SRGAP2: variants seen among roughly 807,000 people sequenced by gnomAD.
The protein encoded by SRGAP2 is SLIT-ROBO Rho GTPase activating protein 2, also known as SLIT-ROBO Rho GTPase-activating protein 2.
Under a neutral mutation model 57.2 loss-of-function variants are expected in SRGAP2, and 15 were observed. The ratio of observed to expected loss-of-function variants is 0.26; its 90% CI spans 0.18 to 0.40. The LOEUF (loss-of-function observed/expected upper bound fraction) is 0.40. Ranked by LOEUF, SRGAP2 falls within the 10% of genes least tolerant of loss-of-function variation. The probability of loss-of-function intolerance (pLI) is 1.00; values close to 1 mark genes in which losing one functional copy is unlikely to be tolerated. For synonymous variants in SRGAP2, 249 were observed against 248.0 expected (o/e 1.00, Z -0.04); for missense variants, 520 against 669.6 (o/e 0.78, Z 2.47).
At chr1:206,396,076 AG>A (rs1246885320) in intron 7 of SRGAP2, among the ~76,000 whole-genome samples, 4 of 144,348 alleles carry the variant, frequency 2.8e-5, no homozygotes, top group African/African-American at 1.0e-4. Context: ...TCCGCCTCCC[AG>A]GTTCACGCCA....
Position 206,461,025 on chromosome 1 carries a change from C to T in SRGAP2, c.2833-12C>T. 1 of 678,238 alleles carries T rather than the reference C, an allele frequency of 1.5e-6. No individual in the cohort carries two copies. The highest frequency in any genetic ancestry group is 1.7e-5 in the South Asian group (1 of 59,346). The allele number at this position is 678,238 out of a possible 1,614,324, so 42.0% of individuals were successfully genotyped here. ...TCATTTGCCTCACCTCCTCCTTTTT[C>T]CTGTTTTGCAGGATATTGAGGCAAC... On this transcript the variant is annotated splice_polypyrimidine_tract_variant and intron_variant, in intron 22 of 22. Coordinates refer to ENST00000573034, the MANE Select transcript of SRGAP2 (RefSeq NM_015326.5).
chr1:206,205,101 C>T (rs1291447858), intron 1 of SRGAP2: 1 of 151,938 alleles, frequency 6.6e-6, no homozygotes, highest in African/African-American at 2.4e-5. Context: ...GTCGGGAGGG[C>T]TCCCTCGGGC....
At chr1:206,210,403 CTTTTTTT>C (rs71568077) in intron 2 of SRGAP2, among the ~76,000 whole-genome samples, 132 of 31,764 alleles carry the variant, frequency 4.2e-3, no homozygotes, top group Non-Finnish European at 6.7e-3. Flanking sequence ...GGGGTCTTGT[CTTTTTTT>C]TTTTTTTTTT....
At position 206,454,869 on chromosome 1, in the gene SRGAP2, C is replaced by T. The variant is rs1229311929; in HGVS notation, c.2361-9C>T. On this transcript the variant is annotated splice_polypyrimidine_tract_variant and intron_variant, in intron 20 of 22. Transcript: ENST00000573034. The surrounding 1 kb of genome is among the most constrained non-coding windows in gnomAD (Gnocchi z 4.3). ...CCTCCTCCCTGCCTGCCTGCCCCTT[C>T]TCCCCCAGCGAGGACGGTGTCGTGG... 2 of 746,440 alleles carry T rather than the reference C, an allele frequency of 2.7e-6. No homozygotes were observed. The highest frequency in any genetic ancestry group is 5.0e-6 in the Non-Finnish European group (2 of 400,174). The allele number at this position is 746,440 out of a possible 1,614,324, so 46.2% of individuals were successfully genotyped here.
At chr1:206,457,860 G>A (rs1553378957) in intron 21 of SRGAP2, among the ~76,000 whole-genome samples, 8 of 152,198 alleles carry the variant, frequency 5.3e-5, no homozygotes, top group Non-Finnish European at 1.5e-5. Context: ...TTGCCTCTTA[G>A]ATTAGACCTT....
chr1:206,372,938 TCTTTCTTTCTTTCTTTCTTTTCTTTC>T, intron 4 of SRGAP2, among the ~76,000 whole-genome samples: 3 of 8,264 alleles, frequency 3.6e-4, no homozygotes, highest in African/African-American at 1.7e-3. Context: ...TTTCTTTCTT[TCTTTCTTTCTTTCTTTCTTTTCTTTC>T]CTTTCTTTCT....
chr1:206,447,979 G>A (rs1048567314), intron 18 of SRGAP2, among the ~76,000 whole-genome samples: 2 of 152,148 alleles, frequency 1.3e-5, no homozygotes, highest in Admixed American at 1.3e-4. Flanking sequence ...GATTAGTCAG[G>A]GAACATTACT....
intron 13 of SRGAP2, among the ~76,000 whole-genome samples, 172 bp from the exon 14 acceptor site, chr1:206,429,990 A>G (rs908262833): frequency 6.6e-6 from 1 of 152,246 alleles, no homozygotes; most frequent in Non-Finnish European, 1.5e-5. Flanking sequence ...GTAGCATTCC[A>G]TGTGGGTGGT....
chr1:206,414,594 CCACTGCAG>C (rs1659518854), intron 10 of SRGAP2, among the ~76,000 whole-genome samples: 1 of 152,062 alleles, frequency 6.6e-6, no homozygotes, highest in African/African-American at 2.4e-5. Flanking sequence ...GGAGGATGAA[CCACTGCAG>C]CAGGAGGTGA....
At chr1:206,412,082 G>A (rs1191381603) in intron 10 of SRGAP2, among the ~76,000 whole-genome samples, 1 of 152,216 alleles carries the variant, frequency 6.6e-6, no homozygotes, top group East Asian at 1.9e-4. Flanking sequence ...GGTTAGGAGA[G>A]TTAGTAAGTG....
chr1:206,422,824 C>T (rs545995003), intron 13 of SRGAP2, among the ~76,000 whole-genome samples: 5 of 152,326 alleles, frequency 3.3e-5, no homozygotes, highest in Admixed American at 2.6e-4. Context: ...GCTAGATTTG[C>T]GTAGGAGTTA....
chr1:206,439,375 C>T (rs1223473119), intron 16 of SRGAP2, among the ~76,000 whole-genome samples: 1 of 151,986 alleles, frequency 6.6e-6, no homozygotes, highest in Non-Finnish European at 1.5e-5. Context: ...CCACTTTTTA[C>T]TCATTCATAG....
At chr1:206,291,334 T>C (rs1343171492) in intron 2 of SRGAP2, among the ~76,000 whole-genome samples, 6 of 152,264 alleles carry the variant, frequency 3.9e-5, no homozygotes, top group African/African-American at 1.4e-4. Context: ...ATGGGAGGAA[T>C]TGTGGTTGCC....
At chr1:206,366,274 C>G (rs1202719690) in intron 4 of SRGAP2, among the ~76,000 whole-genome samples, 7 of 152,226 alleles carry the variant, frequency 4.6e-5, no homozygotes, top group Non-Finnish European at 1.0e-4. Context: ...GGCTGCAAAG[C>G]CCTAATGCCA....
intron 4 of SRGAP2, among the ~76,000 whole-genome samples, chr1:206,377,051 A>T (rs1655267061): frequency 1.3e-5 from 2 of 152,362 alleles, no homozygotes; most frequent in Middle Eastern, 3.4e-3. Context: ...ATGCTTAAAA[A>T]GTTAAAACCT....
intron 2 of SRGAP2, among the ~76,000 whole-genome samples, chr1:206,231,540 ATT>A (rs781976024): frequency 5.6e-5 from 8 of 143,218 alleles, no homozygotes; most frequent in Non-Finnish European, 3.1e-5. Context: ...TAGTTTTCTA[ATT>A]TTTTTTTTTT....
chr1:206,333,336 C>G, intron 3 of SRGAP2: 1 of 1,208,944 alleles, frequency 8.3e-7, no homozygotes, highest in Admixed American at 1.8e-5. Context: ...TTATTTTGAG[C>G]CAGGGCTTGA....
intron 3 of SRGAP2, among the ~76,000 whole-genome samples, chr1:206,335,431 G>A (rs1553333433): frequency 3.3e-5 from 5 of 151,500 alleles, no homozygotes; most frequent in Non-Finnish European, 7.4e-5. Flanking sequence ...GTTTTGCAGT[G>A]GGTTCATCCA....
At chr1:206,416,946 G>A (rs117777617) in intron 11 of SRGAP2, among the ~76,000 whole-genome samples, 1,922 of 152,270 alleles carry the variant, frequency 0.013, 24 homozygotes, top group South Asian at 0.027. Flanking sequence ...GTTTAGGAAA[G>A]TGTGCAATAC....
Sources: allele counts gnomAD v4.1 joint callset (sites outside exome capture counted in the v4.1 genomes callset), GRCh38; gene constraint gnomAD v4.1.1; non-coding constraint Gnocchi (gnomAD v3.1); transcripts MANE v1.5; gene names NCBI Gene and HGNC (gene_info 2026-07-23, HGNC 2026-07-21).